Variants in SLC35F2 observed in about 807,000 individuals in gnomAD.
The protein encoded by SLC35F2 is queuine/queuosine transporter SLC35F2.
In SLC35F2, 25 loss-of-function variants were observed where a neutral mutation model predicts 38.1. That is an observed-to-expected ratio of 0.66 (90% CI 0.48 to 0.92). SLC35F2 has a LOEUF of 0.92. Among genes scored for constraint, SLC35F2 ranks in the 40% least tolerant of loss-of-function variants. The pLI, the probability that SLC35F2 is intolerant of heterozygous loss-of-function variation, is 0.00. For synonymous variants in SLC35F2, 173 were observed against 181.7 expected (o/e 0.95, Z 0.38); for missense variants, 409 against 452.9 (o/e 0.90, Z 0.88).
rs536603615 is a variant in SLC35F2 at position 107,801,395 on chromosome 11, T to G, written c.939+1606A>C. 2.0e-5 allele frequency among the ~76,000 whole-genome samples: 3 copies of G among 152,234 alleles called. No individual in the cohort carries two copies. In the South Asian group the frequency reaches 6.2e-4, roughly 32 times the overall value. On this transcript the variant is annotated intron_variant, in intron 7 of 7. Transcript: ENST00000525815. ...ACAGAGTAAAGAGATTTTTTAAATA[T>G]AAATCAATGAAATTCTTCTCACTAT...
chr11:107,810,186 C>T (rs948058360), intron 3 of SLC35F2: 1 of 985,376 alleles, frequency 1.0e-6, no homozygotes, highest in Non-Finnish European at 1.2e-6. Flanking sequence ...TTGTTAGATG[C>T]CTTTTTTATA....
At chr11:107,801,147 T>G (rs1411517623) in intron 7 of SLC35F2, among the ~76,000 whole-genome samples, 2 of 152,156 alleles carry the variant, frequency 1.3e-5, no homozygotes, top group African/African-American at 4.8e-5. Context: ...CTTCAGGTGA[T>G]CCACCCTCCT....
intron 1 of SLC35F2, among the ~76,000 whole-genome samples, chr11:107,852,550 CAAAAA>C (rs550992360): frequency 1.7e-5 from 1 of 58,448 alleles, no homozygotes. Context: ...GACTCCACCT[CAAAAA>C]AAAAAAAAAA....
intron 2 of SLC35F2, among the ~76,000 whole-genome samples, chr11:107,815,211 A>T (rs1263204088): frequency 2.0e-5 from 3 of 150,978 alleles, no homozygotes; most frequent in African/African-American, 4.9e-5. Flanking sequence ...TTAATATTTT[A>T]AAATATTTTT....
At chr11:107,810,149 G>A in intron 3 of SLC35F2, 1 of 985,438 alleles carries the variant, frequency 1.0e-6, no homozygotes, top group Non-Finnish European at 1.2e-6. Context: ...TATCACAGCT[G>A]TCGCTGCTGC....
intron 3 of SLC35F2, among the ~76,000 whole-genome samples, chr11:107,807,293 C>CAAA (rs71047626): frequency 1.5e-5 from 1 of 67,288 alleles, no homozygotes; most frequent in African/African-American, 4.1e-5. Flanking sequence ...AAAACAACAA[C>CAAA]AAAAAAAAAC....
intron 2 of SLC35F2, among the ~76,000 whole-genome samples, chr11:107,813,165 C>A (rs1859508710): frequency 6.6e-6 from 1 of 152,096 alleles, no homozygotes; most frequent in Admixed American, 6.6e-5. Context: ...CAGAATTAGG[C>A]CGGGTGCGGT....
chr11:107,793,984 A>G (rs72999546), intron 7 of SLC35F2, among the ~76,000 whole-genome samples: 5,753 of 152,290 alleles, frequency 0.038, 167 homozygotes, highest in African/African-American at 0.08. Context: ...ATATACCCCA[A>G]AAGTCTAAAT....
At position 107,805,363 on chromosome 11, in the gene SLC35F2, G is replaced by C. The variant is rs1187345250; in HGVS notation, c.727C>G (p.Gln243Glu). ...AAAAAAATTGTAGAATCTTACAGCT[G>C]TATACCACTGATAATTGTTCCAAAC... ...GLFGTIISGI[Q>E]LLIVEYKDIA... Residue 243 changes from glutamine (Q) to glutamate (E), a missense_variant, in exon 5 of 8, where the codon CAG becomes GAG. Physicochemically the swap from Gln to Glu is conservative, Grantham distance 29 (BLOSUM62 2). Transcript: ENST00000525815. 6.2e-7 allele frequency: 1 copy of C among 1,612,930 alleles called. No individual in the cohort carries two copies. The highest frequency in any genetic ancestry group is 8.5e-7 in the Non-Finnish European group (1 of 1,179,690).
rs1030038162 is a variant in SLC35F2 at position 107,810,325 on chromosome 11, C to T, written c.414+1342G>A. On this transcript the variant is annotated intron_variant, in intron 3 of 7. Transcript: ENST00000525815. ...ATTGAAAGAAGGCATGAACTTCAGT[C>T]GCAACTATCCAACTGTAAGTGTTCT... is the stretch of plus-strand genomic sequence containing the variant. The T allele has an allele frequency of 8.1e-6, 8 of 985,248 alleles. 1 individual carries two copies. Among genetic ancestry groups the T allele is most frequent in the South Asian group, 9.4e-5 (2 of 21,282 alleles). The allele number at this position is 985,248 out of a possible 1,614,324, so 61.0% of individuals were successfully genotyped here.
Position 107,815,772 on chromosome 11 carries a change from T to C in SLC35F2, c.286+18A>G. 6.4e-7 allele frequency: 1 copy of C among 1,570,420 alleles called. No individual in the cohort carries two copies. The highest frequency in any genetic ancestry group is 8.6e-7 in the Non-Finnish European group (1 of 1,159,630). On this transcript the variant is annotated intron_variant, in intron 2 of 7. Coordinates refer to ENST00000525815, the MANE Select transcript of SLC35F2 (RefSeq NM_017515.5). ...GAAGATAATTTTGTTGAAAAGATAA[T>C]TTCCACATTTGACATACCTGATCGA...
rs116625813 is a variant in SLC35F2 at position 107,806,966 on chromosome 11, A to G, written c.415-90T>C. On this transcript the variant is annotated intron_variant, in intron 3 of 7. Coordinates refer to ENST00000525815, the MANE Select transcript of SLC35F2 (RefSeq NM_017515.5). ...GAAATAATAGGAGTCAGTATTTATA[A>G]TAGGAGTCAGTATTTATTGAGCATT... The G allele has an allele frequency of 6.9e-4, 818 of 1,186,818 alleles. 5 individuals are homozygous for G. The African/African-American group carries it at 0.012, about 17-fold the overall frequency. 73.5% of individuals were successfully genotyped at this position (1,186,818 alleles called of 1,614,324 possible). A position where few individuals can be genotyped will look rare whatever the true frequency, so the allele number is the denominator to read the frequency against.
At chr11:107,832,808 AAAAC>A (rs887522200) in intron 1 of SLC35F2, among the ~76,000 whole-genome samples, 7 of 152,338 alleles carry the variant, frequency 4.6e-5, no homozygotes, top group East Asian at 1.9e-4. Flanking sequence ...CCCTGTCTCA[AAAAC>A]AAACAAACAA....
At position 107,818,074 on chromosome 11, in the gene SLC35F2, A is replaced by G. The variant is rs1489838755; in HGVS notation, c.111-2109T>C. 1.9e-3 allele frequency among the ~76,000 whole-genome samples: 129 copies of G among 67,560 alleles called. 3 individuals are homozygous for G. The highest frequency in any genetic ancestry group is 4.1e-3 in the African/African-American group (71 of 17,222). The allele number at this position is 67,560 out of a possible 152,430, so 44.3% of individuals were successfully genotyped here. ...TCTGTCTCAAAAAAAAAAAAAAAAAAAGAAAGAAAGAAAGAAAGAAAGAAA... is the reference window on the plus strand; with the variant it reads ...TCTGTCTCAAAAAAAAAAAAAAAAAGAGAAAGAAAGAAAGAAAGAAAGAAA... On this transcript the variant is annotated intron_variant, in intron 1 of 7. Transcript: ENST00000525815.
chr11:107,818,285 G>A (rs887560798), intron 1 of SLC35F2, among the ~76,000 whole-genome samples: 1 of 151,970 alleles, frequency 6.6e-6, no homozygotes, highest in Admixed American at 6.6e-5. Context: ...ACAATAATTA[G>A]CCAGGCACAG....
At chr11:107,803,776 A>ACACAC (rs1859353008) in intron 6 of SLC35F2, among the ~76,000 whole-genome samples, 1 of 149,474 alleles carries the variant, frequency 6.7e-6, no homozygotes, top group Non-Finnish European at 1.5e-5. Context: ...TCCCATACTC[A>ACACAC]ACACACACAC....
rs545363329 is a variant in SLC35F2 at position 107,844,495 on chromosome 11, T to C, written c.110+14163A>G. On this transcript the variant is annotated intron_variant, in intron 1 of 7. Coordinates refer to ENST00000525815, the MANE Select transcript of SLC35F2 (RefSeq NM_017515.5). ...CAAAAATTAGCCGGGCCTGGTGGCA[T>C]GCACCTGTAATCCCAGCTACTCAGG... 2.8e-4 allele frequency among the ~76,000 whole-genome samples: 41 copies of C among 147,992 alleles called. No homozygotes were observed. The South Asian group carries it at 6.2e-3, about 22-fold the overall frequency.
chr11:107,843,868 A>ATATAT (rs1484039784), intron 1 of SLC35F2, among the ~76,000 whole-genome samples: 8 of 46,804 alleles, frequency 1.7e-4, no homozygotes, highest in Admixed American at 3.3e-4. Context: ...AAAAAAAAAA[A>ATATAT]ATATATATAT....
At chr11:107,818,128 G>GAA (rs1179955063) in intron 1 of SLC35F2, among the ~76,000 whole-genome samples, 1 of 141,322 alleles carries the variant, frequency 7.1e-6, no homozygotes, top group African/African-American at 2.6e-5. Context: ...AAGAAAGAAA[G>GAA]AAAGAAAAAG....
Sources: allele counts gnomAD v4.1 joint callset (sites outside exome capture counted in the v4.1 genomes callset), GRCh38; gene constraint gnomAD v4.1.1; transcripts MANE v1.5; gene names NCBI Gene and HGNC (gene_info 2026-07-23, HGNC 2026-07-21).